The following NELL1 variants were observed in gnomAD, a reference collection of about 807,000 sequenced individuals.
NELL1 encodes neural EGFL like 1, also known as protein kinase C-binding protein NELL1.
NELL1 carries 76 observed loss-of-function variants against 107.4 expected under a neutral mutation model. The ratio of observed to expected loss-of-function variants is 0.71; its 90% confidence interval spans 0.59 to 0.86. NELL1 has a LOEUF of 0.86. Ranked by LOEUF, NELL1 falls within the 40% of genes least tolerant of loss-of-function variation. The pLI is 0.00. For missense variants in NELL1, 1,024 were observed against 1,005.5 expected (o/e 1.02, Z -0.25); for synonymous variants, 353 against 341.2 (o/e 1.03, Z -0.38).
chr11:20,897,810 T>C (rs1178841688), intron 5 of NELL1, among the ~76,000 whole-genome samples: 2 of 152,032 alleles, frequency 1.3e-5, no homozygotes, highest in Non-Finnish European at 2.9e-5. Context: ...AAAAGACACA[T>C]GAAAAAATGC....
chr11:20,703,715 A>T (rs1235524021), intron 2 of NELL1, among the ~76,000 whole-genome samples: 1 of 152,128 alleles, frequency 6.6e-6, no homozygotes, highest in Admixed American at 6.6e-5. Flanking sequence ...CTTTGTTCTC[A>T]CTGGTTTCAG....
chr11:21,555,066 C>G (rs1024484853), intron 16 of NELL1, among the ~76,000 whole-genome samples: 1 of 151,892 alleles, frequency 6.6e-6, no homozygotes, highest in Non-Finnish European at 1.5e-5. Flanking sequence ...TCAATACTTA[C>G]AGGGCCATAT....
At chr11:21,283,380 G>A (rs1176436321) in intron 14 of NELL1, among the ~76,000 whole-genome samples, 3 of 152,118 alleles carry the variant, frequency 2.0e-5, no homozygotes, top group Non-Finnish European at 4.4e-5. Context: ...ACTCTCGTGT[G>A]GGATTTTGGT....
At chr11:20,960,622 G>T (rs896729547) in intron 12 of NELL1, 62 bp downstream of exon 12, 167 of 1,585,554 alleles carry the variant, frequency 1.1e-4, no homozygotes, top group South Asian at 3.6e-4. Context: ...ATGCCTGGTA[G>T]ATGTGGTTAA....
At chr11:21,506,644 A>C (rs1314265083) in intron 15 of NELL1, among the ~76,000 whole-genome samples, 1 of 152,230 alleles carries the variant, frequency 6.6e-6, no homozygotes, top group Non-Finnish European at 1.5e-5. Flanking sequence ...CAAAGCACAT[A>C]TAATAGTTAT....
chr11:21,051,389 G>A lies in NELL1; in HGVS notation c.1301-62200G>A, dbSNP rs148989105. 1.2e-4 allele frequency among the ~76,000 whole-genome samples: 19 copies of A among 152,206 alleles called. No homozygotes were observed. In the East Asian group the frequency reaches 1.5e-3, roughly 12 times the overall value. The stretch of plus-strand genomic sequence containing the variant: ...TGGACTTTTGGAACTCAGGAGAAAT[G>A]GTGGGAGGGGGCTCAGGGATAAAAG... On this transcript the variant is annotated intron_variant, in intron 12 of 19. Coordinates refer to ENST00000357134, the MANE Select transcript of NELL1 (RefSeq NM_006157.5).
intron 14 of NELL1, among the ~76,000 whole-genome samples, chr11:21,239,164 A>G (rs1858285398): frequency 6.6e-6 from 1 of 152,002 alleles, no homozygotes; most frequent in Non-Finnish European, 1.5e-5. Context: ...CCCTGATATC[A>G]TTACATCTCT....
chr11:21,514,257 A>T (rs1028956588), intron 15 of NELL1, among the ~76,000 whole-genome samples: 2 of 152,232 alleles, frequency 1.3e-5, no homozygotes, highest in African/African-American at 4.8e-5. Context: ...ATTGATTTAA[A>T]ATATTTGCCT....
At chr11:20,710,685 G>A (rs549568491) in intron 2 of NELL1, among the ~76,000 whole-genome samples, 17 of 151,114 alleles carry the variant, frequency 1.1e-4, no homozygotes, top group Non-Finnish European at 2.4e-4. Flanking sequence ...TTTGTTGGCA[G>A]TTTTTTTTTA....
intron 14 of NELL1, among the ~76,000 whole-genome samples, chr11:21,334,735 T>C (rs1306254946): frequency 1.3e-5 from 2 of 152,014 alleles, no homozygotes; most frequent in South Asian, 2.1e-4. Flanking sequence ...TTTCATACAA[T>C]GTTCTGGCGA....
At chr11:21,041,756 G>A (rs371891700) in intron 12 of NELL1, among the ~76,000 whole-genome samples, 17 of 152,230 alleles carry the variant, frequency 1.1e-4, no homozygotes, top group African/African-American at 3.6e-4. Flanking sequence ...AAAATCAGGT[G>A]TATAGTGCTA....
chr11:21,364,809 T>A (rs1324086805), intron 14 of NELL1, among the ~76,000 whole-genome samples: 1 of 152,122 alleles, frequency 6.6e-6, no homozygotes, highest in Non-Finnish European at 1.5e-5. Flanking sequence ...ATCCAAGAGG[T>A]AGCAGGGAGA....
At chr11:21,308,458 T>C (rs1390274759) in intron 14 of NELL1, among the ~76,000 whole-genome samples, 1 of 152,148 alleles carries the variant, frequency 6.6e-6, no homozygotes, top group South Asian at 2.1e-4. Context: ...TAAAGAAATA[T>C]GTTTAAGGAG....
intron 2 of NELL1, among the ~76,000 whole-genome samples, chr11:20,681,974 T>C (rs1854200027): frequency 6.6e-6 from 1 of 152,126 alleles, no homozygotes; most frequent in African/African-American, 2.4e-5. Context: ...CTTGTGATTA[T>C]GTTGGAACCA....
At chr11:21,010,248 T>C (rs73458786) in intron 12 of NELL1, among the ~76,000 whole-genome samples, 12,004 of 152,096 alleles carry the variant, frequency 0.079, 1,572 homozygotes, top group African/African-American at 0.27. Context: ...GCTTCTACTG[T>C]TTACTTCCAT....
At chr11:20,948,207 A>G (rs1254546561) in intron 11 of NELL1, among the ~76,000 whole-genome samples, 1 of 151,380 alleles carries the variant, frequency 6.6e-6, no homozygotes, top group Non-Finnish European at 1.5e-5. Context: ...ATCACACCCA[A>G]CTAATTTTTA....
At chr11:21,040,517 T>G (rs1401021225) in intron 12 of NELL1, among the ~76,000 whole-genome samples, 1 of 152,186 alleles carries the variant, frequency 6.6e-6, no homozygotes, top group African/African-American at 2.4e-5. Context: ...CTTTAAGTCA[T>G]GGATTTGTTG....
At chr11:21,299,956 G>A (rs1002173036) in intron 14 of NELL1, among the ~76,000 whole-genome samples, 1 of 151,966 alleles carries the variant, frequency 6.6e-6, no homozygotes, top group Non-Finnish European at 1.5e-5. Flanking sequence ...TATAGGCAAA[G>A]CAGCTTAAGT....
At chr11:21,256,769 G>A (rs951773633) in intron 14 of NELL1, among the ~76,000 whole-genome samples, 10 of 151,984 alleles carry the variant, frequency 6.6e-5, no homozygotes, top group Non-Finnish European at 1.5e-4. Flanking sequence ...GTGAGTGTCT[G>A]GCTCTCCCAG....
Sources: allele counts gnomAD v4.1 joint callset (sites outside exome capture counted in the v4.1 genomes callset), GRCh38; gene constraint gnomAD v4.1.1; transcripts MANE v1.5; gene names NCBI Gene and HGNC (gene_info 2026-07-23, HGNC 2026-07-21).